Variants in UTP25 observed in about 807,000 individuals in gnomAD.
The protein encoded by UTP25 is UTP25 small subunit processome component, also known as U3 small nucleolar RNA-associated protein 25 homolog.
Under a neutral mutation model 78.9 loss-of-function variants are expected in UTP25, and 50 were observed. That is an observed-to-expected ratio of 0.63 (90% CI 0.50 to 0.80). The LOEUF is 0.80. UTP25 is among the 30% of genes least tolerant of loss of function. The pLI is 0.00. For missense variants in UTP25, 846 were observed against 911.3 expected, an observed-to-expected ratio of 0.93 and a Z score of 0.92; for synonymous variants, 329 against 336.5, an observed-to-expected ratio of 0.98 and a Z score of 0.24.
rs1173343994 is a variant in UTP25 at position 209,837,093 on chromosome 1, T to A, written c.944T>A (p.Ile315Lys). 1 of 1,614,188 alleles carries A rather than the reference T, an allele frequency of 6.2e-7. No homozygotes were observed. Among genetic ancestry groups the A allele is most frequent in the Non-Finnish European group, 8.5e-7 (1 of 1,180,032 alleles). ...EIRHVYCLHV[I>K]NHILKANAQV... ...CGCCATGTGTATTGCCTGCATGTGA[T>A]AAATCACATCCTCAAAGCCAATGCC... Residue 315 changes from isoleucine (I) to lysine (K), a missense_variant, in exon 6 of 12, where the codon ATA becomes AAA. Transcript: ENST00000491415.
At chr1:209,842,758 A>C (rs1440179659) in intron 10 of UTP25, 63 bp downstream of exon 10, 5 of 1,246,678 alleles carry the variant, frequency 4.0e-6, no homozygotes, top group Non-Finnish European at 5.7e-6. Context: ...TGGGCATACA[A>C]ACCTAGAATT....
chr1:209,846,076 A>C (rs1189907354), intron 11 of UTP25, among the ~76,000 whole-genome samples: 1 of 151,968 alleles, frequency 6.6e-6, no homozygotes, highest in Non-Finnish European at 1.5e-5. Context: ...GCTGGTCTTG[A>C]ACTCCTGGCC....
At chr1:209,849,405 A>G (rs201353844) in intron 11 of UTP25, among the ~76,000 whole-genome samples, 1 of 151,640 alleles carries the variant, frequency 6.6e-6, no homozygotes. Flanking sequence ...TGTGTGGGGG[A>G]CAAATGGAAG....
intron 11 of UTP25, among the ~76,000 whole-genome samples, chr1:209,846,693 GA>G (rs2078198644): frequency 6.6e-6 from 1 of 152,224 alleles, no homozygotes; most frequent in African/African-American, 2.4e-5. Flanking sequence ...ATATATAAGG[GA>G]GGAGGAAGGC....
In UTP25 at chr1:209,843,443, C is replaced by T. The variant is rs2078178646; in HGVS notation, c.1782-8C>T. ...ACATTAATTTTGCCCTTTGCCATTC[C>T]AAATCAGGTTTAACTTTTTTGTGAA... On this transcript the variant is annotated splice_region_variant and splice_polypyrimidine_tract_variant and intron_variant, in intron 10 of 11. Coordinates refer to ENST00000491415, the MANE Select transcript of UTP25 (RefSeq NM_014388.7). The T allele has an allele frequency of 2.2e-5, 36 of 1,613,132 alleles. No homozygotes were observed. The highest frequency in any genetic ancestry group is 3.0e-5 in the Non-Finnish European group (35 of 1,179,436).
At chr1:209,849,569 G>T (rs1356714385) in intron 11 of UTP25, among the ~76,000 whole-genome samples, 1 of 151,994 alleles carries the variant, frequency 6.6e-6, no homozygotes, top group East Asian at 1.9e-4. Context: ...TTTTACCATG[G>T]GTTTCACGAT....
chr1:209,841,003 TCATCATTGATCAAGCTGA>T lies in UTP25; in HGVS notation c.1437_1454del (p.Ile480_Ile485del). On this transcript the variant is annotated inframe_deletion, in exon 8 of 12. Transcript: ENST00000491415. The stretch of plus-strand genomic sequence containing the variant: ...GACTTTCTGTCTTCTATCGAGCTTC[TCATCATTGATCAAGCTGA>T]CATTTACCTGATGCAGAACTGGGAG... 1 of 1,614,098 alleles carries T rather than the reference TCATCATTGATCAAGCTGA, an allele frequency of 6.2e-7. No individual in the cohort carries two copies. The highest frequency in any genetic ancestry group is 1.7e-5 in the Admixed American group (1 of 60,020).
rs1487482546 is a variant in UTP25 at position 209,855,889 on chromosome 1, C to G, written c.*4442C>G. 4 of 152,382 alleles carry G rather than the reference C, an allele frequency of 2.6e-5. No individual in the cohort carries two copies. Among genetic ancestry groups the G allele is most frequent in the Non-Finnish European group, 5.9e-5 (4 of 68,160 alleles). The allele number at this position is 152,382 out of a possible 1,614,324, so 9.4% of individuals were successfully genotyped here. ...CCTTTTGCCAACCTAAGGAATGACA[C>G]AGAGCATGGAGCACCATCACTGAAA... On this transcript the variant is annotated 3_prime_UTR_variant, in exon 12 of 12. Coordinates refer to ENST00000491415, the MANE Select transcript of UTP25 (RefSeq NM_014388.7).
Position 209,851,336 on chromosome 1 carries a change from C to G in UTP25, c.2160C>G (p.Leu720=), listed in dbSNP as rs752433312. 1.2e-5 allele frequency: 19 copies of G among 1,614,082 alleles called. No homozygotes were observed. Among genetic ancestry groups the G allele is most frequent in the Non-Finnish European group, 1.2e-5 (14 of 1,180,036 alleles). ...AGGCCACGTGGACCTGCACTGTTCT[C>G]TACTCCAAATATGATGCCCAGAGGT... ...GEEATWTCTV[L]YSKYDAQRLA... The change falls in exon 12 of 12, where the codon CTC becomes CTG. Residue 720 remains leucine (L), a synonymous_variant. Transcript: ENST00000491415.
At position 209,857,290 on chromosome 1, in the gene UTP25, C is replaced by T. The variant is rs976644928; in HGVS notation, c.*5843C>T. 1.3e-5 allele frequency: 2 copies of T among 152,030 alleles called. No individual in the cohort carries two copies. The highest frequency in any genetic ancestry group is 2.9e-5 in the Non-Finnish European group (2 of 68,002). The allele number at this position is 152,030 out of a possible 1,614,324, so 9.4% of individuals were successfully genotyped here. On this transcript the variant is annotated 3_prime_UTR_variant, in exon 12 of 12. Transcript: ENST00000491415. ...CTATTGGAATACATCTACCATGTCT[C>T]CTATGAAACTTGCTTCTCCAGGCCA...
Position 209,851,301 on chromosome 1 carries a change from A to G in UTP25, c.2125A>G (p.Arg709Gly), listed in dbSNP as rs1553251865. ...EICNMLRATN[R>G]GEEATWTCTV... The stretch of plus-strand genomic sequence containing the variant: ...CTGTAATATGCTGAGAGCCACCAAC[A>G]GAGGAGAAGAGGCCACGTGGACCTG... The change falls in exon 12 of 12, where the codon AGA (arginine) becomes GGA (glycine). Residue 709 changes from arginine (R) to glycine (G), a missense_variant. Physicochemically the swap from Arg to Gly is moderately radical, Grantham distance 125. Transcript: ENST00000491415. The G allele has an allele frequency of 3.1e-6, 5 of 1,614,222 alleles. No individual in the cohort carries two copies. In the Admixed American group the frequency reaches 8.3e-5, roughly 27 times the overall value.
At chr1:209,848,918 C>G (rs1278556621) in intron 11 of UTP25, among the ~76,000 whole-genome samples, 2 of 152,206 alleles carry the variant, frequency 1.3e-5, no homozygotes, top group Admixed American at 6.5e-5. Flanking sequence ...TTGATTGTTA[C>G]TGTAGATACC....
intron 5 of UTP25, among the ~76,000 whole-genome samples, chr1:209,835,730 T>G (rs1047472246): frequency 9.9e-5 from 15 of 152,208 alleles, no homozygotes; most frequent in African/African-American, 2.9e-4. Context: ...GGAATAATTA[T>G]AGATATACAT....
At position 209,854,745 on chromosome 1, in the gene UTP25, G is replaced by A. The variant is rs899800537; in HGVS notation, c.*3298G>A. On this transcript the variant is annotated 3_prime_UTR_variant, in exon 12 of 12. Coordinates refer to ENST00000491415, the MANE Select transcript of UTP25 (RefSeq NM_014388.7). ...AGTTGGAAGTTCTTTATAGTTGTCT[G>A]AAGAGCCTCATTGTCCAACTGCAGG... 7.2e-5 allele frequency: 11 copies of A among 152,348 alleles called. No individual in the cohort carries two copies. The highest frequency in any genetic ancestry group is 1.5e-4 in the Non-Finnish European group (10 of 68,140). The allele number at this position is 152,348 out of a possible 1,614,324, so 9.4% of individuals were successfully genotyped here. A position where few individuals can be genotyped will look rare whatever the true frequency, so the allele number is the denominator to read the frequency against.
chr1:209,851,384 G>A lies in UTP25; in HGVS notation c.2208G>A (p.Glu736=), dbSNP rs994932197. ...AQRLAAVVGV[E]RAAQMLQSNK... is the part of the protein sequence containing the mutation. ...GGTTAGCTGCCGTGGTTGGTGTGGA[G>A]CGGGCGGCACAGATGCTACAGTCCA... The change falls in exon 12 of 12, where the codon GAG becomes GAA. Residue 736 remains glutamate (E), a synonymous_variant. Coordinates refer to ENST00000491415, the MANE Select transcript of UTP25 (RefSeq NM_014388.7). The A allele has an allele frequency of 2.5e-6, 4 of 1,614,190 alleles. No individual in the cohort carries two copies. Among genetic ancestry groups the A allele is most frequent in the Non-Finnish European group, 3.4e-6 (4 of 1,180,040 alleles).
Position 209,835,084 on chromosome 1 carries a change from T to C in UTP25, c.572T>C (p.Leu191Pro), listed in dbSNP as rs1406852085. Reference protein sequence around the residue: ...SSLKASQDPFLQHVNKELKEK... With the variant: ...SSLKASQDPFPQHVNKELKEK... ...TTTATTTCTGAATTAGATCCATTTC[T>C]TCAACATGTGAACAAAGAACTGAAA... The change falls in exon 5 of 12, where the codon CTT (leucine) becomes CCT (proline). Residue 191 changes from leucine (L) to proline (P), a missense_variant. Physicochemically the swap from Leu to Pro is moderately conservative, Grantham distance 98 (BLOSUM62 -3). Transcript: ENST00000491415. 1 of 1,613,204 alleles carries C rather than the reference T, an allele frequency of 6.2e-7. No homozygotes were observed. Among genetic ancestry groups the C allele is most frequent in the African/African-American group, 1.3e-5 (1 of 74,884 alleles).
chr1:209,850,428 C>T (rs1226190591), intron 11 of UTP25, among the ~76,000 whole-genome samples: 4 of 152,186 alleles, frequency 2.6e-5, no homozygotes, highest in African/African-American at 4.8e-5. Flanking sequence ...ATAAAATCCC[C>T]AAGGGAGTCT....
intron 4 of UTP25, among the ~76,000 whole-genome samples, chr1:209,833,928 C>T (rs2078117490): frequency 1.3e-5 from 2 of 152,190 alleles, no homozygotes; most frequent in Non-Finnish European, 2.9e-5. Flanking sequence ...GTTTCTCAGC[C>T]AGTGTCTGGG....
In UTP25 at chr1:209,838,962, C is replaced by T. The variant is rs2078150565; in HGVS notation, c.1116C>T (p.Phe372=). 6.2e-7 allele frequency: 1 copy of T among 1,614,086 alleles called. No individual in the cohort carries two copies. The highest frequency in any genetic ancestry group is 8.5e-7 in the Non-Finnish European group (1 of 1,179,986). Residue 372 remains phenylalanine (F), a synonymous_variant, in exon 7 of 12, where the codon TTC becomes TTT. Coordinates refer to ENST00000491415, the MANE Select transcript of UTP25 (RefSeq NM_014388.7). The stretch of plus-strand genomic sequence containing the variant: ...CTGCTTTGCGGGTGGTGCAGCTCTT[C>T]ATCAGCCTCCTCGAGGGTGACAGCA... ...REAALRVVQL[F]ISLLEGDSKK...
Sources: gnomAD v4.1 joint callset for allele counts (sites outside exome capture counted in the v4.1 genomes callset) on GRCh38, gnomAD v4.1.1 for gene constraint, MANE v1.5 for transcripts, NCBI Gene and HGNC (gene_info 2026-07-23, HGNC 2026-07-21) for gene names.